CIT: variants seen among roughly 807,000 people sequenced by gnomAD.
CIT encodes the protein citron rho-interacting serine/threonine kinase, also known as citron Rho-interacting kinase.
In CIT, 79 loss-of-function variants were observed where a neutral mutation model predicts 272.7. The ratio of observed to expected loss-of-function variants is 0.29; its 90% CI spans 0.24 to 0.35. CIT has a LOEUF of 0.35. Among genes scored for constraint, CIT ranks in the 10% least tolerant of loss-of-function variants. The pLI is 1.00. For missense variants in CIT, 1,909 were observed against 2,618.3 expected (o/e 0.73, Z 5.91); for synonymous variants, 948 against 995.6 (o/e 0.95, Z 0.90).
In CIT at chr12:119,770,721, C is replaced by A; in HGVS notation, c.2208+64G>T. 2 of 1,590,378 alleles carry A rather than the reference C, an allele frequency of 1.3e-6. No individual in the cohort carries two copies. The highest frequency in any genetic ancestry group is 1.1e-5 in the South Asian group (1 of 89,284). ...TTGTGGCGGTTAATTCTTCTTCTTA[C>A]CCCCTTCCCTTTGCAAACTCTAACC... On this transcript the variant is annotated intron_variant, in intron 18 of 47. Transcript: ENST00000392521. The surrounding 1 kb of genome is among the most constrained non-coding windows in gnomAD (Gnocchi z 4.4).
intron 13 of CIT, among the ~76,000 whole-genome samples, chr12:119,781,362 C>A (rs1004983961): frequency 6.6e-6 from 1 of 152,164 alleles, no homozygotes; most frequent in Non-Finnish European, 1.5e-5. Context: ...GACAGTAATT[C>A]TTTTTTTAAA....
intron 5 of CIT, among the ~76,000 whole-genome samples, chr12:119,843,577 CGAG>C (rs1330656907): frequency 6.6e-6 from 1 of 151,774 alleles, no homozygotes; most frequent in Non-Finnish European, 1.5e-5. Flanking sequence ...TTTGGGAGGC[CGAG>C]GAGGGAAGAT....
intron 9 of CIT, among the ~76,000 whole-genome samples, chr12:119,817,796 T>C (rs1967333084): frequency 6.6e-6 from 1 of 151,662 alleles, no homozygotes; most frequent in Non-Finnish European, 1.5e-5. Flanking sequence ...AATTCTAGGC[T>C]GGGCATGGTG....
At position 119,803,384 on chromosome 12, in the gene CIT, G is replaced by A. The variant is rs1480163242; in HGVS notation, c.1117C>T (p.Pro373Ser). 2 of 1,557,902 alleles carry A rather than the reference G, an allele frequency of 1.3e-6. No homozygotes were observed. The highest frequency in any genetic ancestry group is 2.1e-5 in the Admixed American group (1 of 48,474). Reference sequence around the variant, plus strand: ...GACTTGAGGGTGGGAACGAAGGGGGGAGGAGCTGGTTAAAGAAAAACAAGA... The same window carrying A: ...GACTTGAGGGTGGGAACGAAGGGGGAAGGAGCTGGTTAAAGAAAAACAAGA... ...IDWNNIRNSP[P>S]PFVPTLKSDD... Residue 373 changes from proline to serine, a missense_variant, in exon 10 of 48, where the codon CCC (proline) becomes TCC (serine). This residue lies in a region of CIT where 529 missense variants were observed against 549.6 expected (regional missense o/e 0.96). Coordinates refer to ENST00000392521, the MANE Select transcript of CIT (RefSeq NM_001206999.2).
In CIT at chr12:119,707,898, T is replaced by C. The variant is rs114485889; in HGVS notation, c.5211+281A>G. Among the ~76,000 whole-genome samples the C allele has an allele frequency of 3.3e-5, 5 of 152,322 alleles. No individual in the cohort carries two copies. The East Asian group carries it at 7.7e-4, about 23-fold the overall frequency. On this transcript the variant is annotated intron_variant, in intron 40 of 47. Coordinates refer to ENST00000392521, the MANE Select transcript of CIT (RefSeq NM_001206999.2). ...CAAGCGTCAGTCTTGTTATTAATCT[T>C]TGAAGCCAAGGATAATTATTTCAAA... is the stretch of plus-strand genomic sequence containing the variant.
intron 43 of CIT, among the ~76,000 whole-genome samples, chr12:119,701,255 C>T (rs1391649083): frequency 3.0e-5 from 3 of 101,036 alleles, no homozygotes; most frequent in African/African-American, 1.1e-4. Flanking sequence ...GGGGAGGACC[C>T]AAGAAAGAAA....
At position 119,697,552 on chromosome 12, in the gene CIT, G is replaced by A; in HGVS notation, c.5882+107C>T. The A allele has an allele frequency of 8.4e-7, 1 of 1,193,834 alleles. No homozygotes were observed. Among genetic ancestry groups the A allele is most frequent in the Non-Finnish European group, 1.2e-6 (1 of 845,364 alleles). 74.0% of individuals were successfully genotyped at this position (1,193,834 alleles called of 1,614,324 possible). A position where few individuals can be genotyped will look rare whatever the true frequency, so the allele number is the denominator to read the frequency against. On this transcript the variant is annotated intron_variant, in intron 46 of 47. Transcript: ENST00000392521. This position sits in a 1 kb window ranked among gnomAD's most constrained non-coding sequence, Gnocchi z 4.9. ...AAACAAATGAATGGTTTGAGCTTAA[G>A]AACAAAGTGAAGATTGGGAAACATT...
intron 10 of CIT, among the ~76,000 whole-genome samples, chr12:119,793,453 G>A (rs1315611143): frequency 2.6e-5 from 4 of 152,168 alleles, no homozygotes; most frequent in Admixed American, 1.3e-4. Flanking sequence ...ATGGTCAGAG[G>A]CACACTTTGT....
At chr12:119,790,311 T>A (rs1233811313) in intron 10 of CIT, among the ~76,000 whole-genome samples, 1 of 152,058 alleles carries the variant, frequency 6.6e-6, no homozygotes, top group African/African-American at 2.4e-5. Context: ...TCATCAAGCA[T>A]AGTATTATTT....
rs1962652131 is a variant in CIT at position 119,767,990 on chromosome 12, C to A, written c.2209-808G>T. Among the ~76,000 whole-genome samples the A allele has an allele frequency of 2.0e-5, 3 of 151,272 alleles. No individual in the cohort carries two copies. The South Asian group carries it at 6.3e-4, about 32-fold the overall frequency. ...GCACTGGCGCGATCTTGGCTCACTG[C>A]AACTTTCACCTCCCAGGTTCAAGCA... On this transcript the variant is annotated intron_variant, in intron 18 of 47. Coordinates refer to ENST00000392521, the MANE Select transcript of CIT (RefSeq NM_001206999.2).
At chr12:119,749,648 CCT>C (rs1447649529) in intron 23 of CIT, among the ~76,000 whole-genome samples, 1 of 152,082 alleles carries the variant, frequency 6.6e-6, no homozygotes, top group Non-Finnish European at 1.5e-5. Context: ...TTGAAGAAGC[CCT>C]GTTTTTTCCA....
chr12:119,802,438 A>G (rs773243323), intron 10 of CIT, among the ~76,000 whole-genome samples: 43 of 152,322 alleles, frequency 2.8e-4, no homozygotes, highest in South Asian at 6.2e-4. Context: ...AATAGCTTTT[A>G]TGAGAATGGA....
At chr12:119,859,651 T>A (rs962557994) in intron 3 of CIT, among the ~76,000 whole-genome samples, 2 of 152,040 alleles carry the variant, frequency 1.3e-5, no homozygotes, top group Admixed American at 6.6e-5. Flanking sequence ...ACCCCATCTC[T>A]ACTAACAATA....
rs1200900413 is a variant in CIT, at chr12:119,690,063, AAAC to A, written c.6186+85_6186+87del. The A allele has an allele frequency of 1.6e-6, 2 of 1,270,244 alleles. No homozygotes were observed. The highest frequency in any genetic ancestry group is 3.1e-5 in the African/African-American group (2 of 64,112). 78.7% of individuals were successfully genotyped at this position (1,270,244 alleles called of 1,614,324 possible). ...ATTACAGTCATGGAGTTCCTTTTTT[AAAC>A]AACAGTGGCCCCGTGGGGGCCTCAG... On this transcript the variant is annotated intron_variant, in intron 47 of 47. Coordinates refer to ENST00000392521, the MANE Select transcript of CIT (RefSeq NM_001206999.2). This position sits in a 1 kb window ranked among gnomAD's most constrained non-coding sequence, Gnocchi z 6.0.
chr12:119,700,695 G>C (rs1956509845), intron 44 of CIT, 50 bp downstream of exon 44: 1 of 1,482,402 alleles, frequency 6.7e-7, no homozygotes. Context: ...TTCTTTTCCA[G>C]GACACCAGCT....
At chr12:119,775,648 C>T (rs962320971) in intron 16 of CIT, 138 bp downstream of exon 16, 11 of 641,454 alleles carry the variant, frequency 1.7e-5, no homozygotes, top group Admixed American at 3.0e-5. Flanking sequence ...TTCAGGTAAT[C>T]GCTCACTCCC....
At chr12:119,759,638 T>C (rs1439495195) in intron 20 of CIT, among the ~76,000 whole-genome samples, 1 of 151,940 alleles carries the variant, frequency 6.6e-6, no homozygotes, top group Admixed American at 6.6e-5. Context: ...AGAGCAAGAC[T>C]CCGTCTCAAA....
At chr12:119,691,518 G>C (rs1265661096) in intron 46 of CIT, among the ~76,000 whole-genome samples, 2 of 152,224 alleles carry the variant, frequency 1.3e-5, no homozygotes, top group East Asian at 3.8e-4. Context: ...AGACGACCGA[G>C]AGGTGTAGGG....
At chr12:119,850,659 C>T (rs1970164016) in intron 4 of CIT, among the ~76,000 whole-genome samples, 1 of 152,174 alleles carries the variant, frequency 6.6e-6, no homozygotes, top group Non-Finnish European at 1.5e-5. Flanking sequence ...TTTAAACTAC[C>T]TTTCTTTAAA....
Sources: allele counts gnomAD v4.1 joint callset (sites outside exome capture counted in the v4.1 genomes callset), GRCh38; gene constraint gnomAD v4.1.1; regional missense constraint gnomAD v4.1.1; non-coding constraint Gnocchi (gnomAD v3.1); transcripts MANE v1.5; gene names NCBI Gene and HGNC (gene_info 2026-07-23, HGNC 2026-07-21).